The following TRRAP variants were observed in gnomAD, a reference collection of about 807,000 sequenced individuals.
The protein encoded by TRRAP is transformation/transcription domain-associated protein.
In TRRAP, 41 loss-of-function variants were observed where a neutral mutation model predicts 438.8. The ratio of observed to expected loss-of-function variants is 0.09; its 90% CI spans 0.07 to 0.12. The LOEUF (loss-of-function observed/expected upper bound fraction) is 0.12, where lower values mean the gene tolerates loss of function less well. Ranked by LOEUF, TRRAP falls within the 10% of genes least tolerant of loss-of-function variation. The probability of loss-of-function intolerance (pLI) is 1.00; values close to 1 mark genes in which losing one functional copy is unlikely to be tolerated. For synonymous variants in TRRAP, 1,994 were observed against 1,962.9 expected, an observed-to-expected ratio of 1.02 and a Z score of -0.42; for missense variants, 3,122 against 5,055.1, an observed-to-expected ratio of 0.62 and a Z score of 11.60.
In TRRAP at chr7:98,967,563, A is replaced by T. The variant is rs200223828; in HGVS notation, c.7377A>T (p.Pro2459=). The change falls in exon 51 of 73, where the codon CCA becomes CCT. Residue 2459 remains proline (P), a synonymous_variant. Transcript: ENST00000456197. ...TCTCTGGGCTGCGCTGTGCCCAGCC[A>T]CTCATCAGGGCAAAGTTTTTCGAGG... ...AFLSGLRCAQ[P]LIRAKFFEVF... is the part of the protein sequence containing the mutation. The T allele has an allele frequency of 9.3e-6, 15 of 1,614,066 alleles. No homozygotes were observed. The East Asian group carries it at 3.1e-4, about 34-fold the overall frequency.
In TRRAP at chr7:98,965,823, C is replaced by G. The variant is rs1379140139; in HGVS notation, c.7104C>G (p.Ala2368=). Residue 2368 remains alanine, a synonymous_variant, in exon 49 of 73, where the codon GCC becomes GCG. Coordinates refer to ENST00000456197, the MANE Select transcript of TRRAP (RefSeq NM_001375524.1). The part of the protein sequence containing the change: ...LTSLIEKSPD[A]KILRAVVKIV... ...CCCTCATCGAAAAATCACCAGATGC[C>G]AAAATCCTCCGGGCTGTGGTCAAAA... is the stretch of plus-strand genomic sequence containing the variant. The G allele has an allele frequency of 6.2e-7, 1 of 1,614,104 alleles. No individual in the cohort carries two copies. The highest frequency in any genetic ancestry group is 8.5e-7 in the Non-Finnish European group (1 of 1,180,020).
intron 69 of TRRAP, among the ~76,000 whole-genome samples, chr7:99,008,083 C>G (rs1034554068): frequency 1.1e-4 from 16 of 152,148 alleles, no homozygotes; most frequent in Non-Finnish European, 1.3e-4. Flanking sequence ...TGTGGCCTCC[C>G]AAAGTGCTGT....
chr7:98,883,606 T>C (rs1795561463), intron 3 of TRRAP, among the ~76,000 whole-genome samples: 2 of 152,138 alleles, frequency 1.3e-5, no homozygotes, highest in Admixed American at 1.3e-4. Context: ...CCTCAACCTC[T>C]TGGGCTCAGG....
At chr7:98,984,415 A>C (rs531275427) in intron 61 of TRRAP, 57 bp downstream of exon 61, 2 of 1,483,608 alleles carry the variant, frequency 1.3e-6, no homozygotes, top group Non-Finnish European at 1.8e-6. Flanking sequence ...CAGGTGGAGA[A>C]TGAGGCAATG....
intron 12 of TRRAP, among the ~76,000 whole-genome samples, chr7:98,905,550 C>A (rs1388888605): frequency 2.0e-5 from 3 of 152,098 alleles, no homozygotes; most frequent in African/African-American, 7.2e-5. Context: ...CCGGTTGTTT[C>A]TATAGAACCC....
chr7:98,980,201 A>G (rs535546503), intron 58 of TRRAP, among the ~76,000 whole-genome samples: 46 of 152,352 alleles, frequency 3.0e-4, no homozygotes, highest in African/African-American at 1.1e-3. Flanking sequence ...ACAGTGTCAT[A>G]TAATTGTGGG....
At chr7:98,953,122 C>T in intron 39 of TRRAP, 45 bp from the exon 40 acceptor site, 1 of 1,579,114 alleles carries the variant, frequency 6.3e-7, no homozygotes, top group Non-Finnish European at 8.6e-7. Context: ...AGTCAGTAAC[C>T]CAGTTCACAA....
chr7:98,911,060 T>C lies in TRRAP; in HGVS notation c.1813-17T>C. 1.2e-6 allele frequency: 2 copies of C among 1,608,454 alleles called. No homozygotes were observed. The highest frequency in any genetic ancestry group is 1.7e-6 in the Non-Finnish European group (2 of 1,177,660). On this transcript the variant is annotated splice_polypyrimidine_tract_variant and intron_variant, in intron 16 of 72. Coordinates refer to ENST00000456197, the MANE Select transcript of TRRAP (RefSeq NM_001375524.1). The stretch of plus-strand genomic sequence containing the variant: ...TCAGTTTTAATGCCTGTGGGCGGCT[T>C]TTTTCCCCTGTATTAGGTCCAGATA...
rs1301144245 is a variant in TRRAP, at chr7:98,937,066, AAATAAT to A, written c.4112-81_4112-76del. ...AACATAGCAAGACACCTTCTCTACC[AAATAAT>A]AATAATAAATAAATACAGAGAAGAA... On this transcript the variant is annotated intron_variant, in intron 28 of 72. Transcript: ENST00000456197. The A allele has an allele frequency of 6.3e-6, 9 of 1,426,642 alleles. No individual in the cohort carries two copies. In the African/African-American group the frequency reaches 1.2e-4, roughly 19 times the overall value. 88.4% of individuals were successfully genotyped at this position (1,426,642 alleles called of 1,614,324 possible).
At chr7:98,915,551 C>T (rs1789482896) in intron 18 of TRRAP, among the ~76,000 whole-genome samples, 172 bp from the exon 19 acceptor site, 1 of 152,160 alleles carries the variant, frequency 6.6e-6, no homozygotes, top group Non-Finnish European at 1.5e-5. Context: ...TTAAGATAAA[C>T]TATTTTGAGT....
intron 33 of TRRAP, among the ~76,000 whole-genome samples, chr7:98,946,720 G>A (rs1485890279): frequency 2.6e-5 from 4 of 152,128 alleles, no homozygotes; most frequent in Admixed American, 2.6e-4. Flanking sequence ...TCACAACATT[G>A]TGCAGCATTG....
chr7:98,956,469 G>A lies in TRRAP; in HGVS notation c.6167G>A (p.Gly2056Asp). The change falls in exon 43 of 73, where the codon GGC (glycine) becomes GAC (aspartate). Residue 2056 changes from glycine to aspartate, a missense_variant. By Grantham distance (94) the Gly-to-Asp change is moderately conservative. Coordinates refer to ENST00000456197, the MANE Select transcript of TRRAP (RefSeq NM_001375524.1). This position sits in a 1 kb window ranked among gnomAD's most constrained non-coding sequence, Gnocchi z 4.5. Reference protein sequence around the residue: ...VNSVSSSIKRGLSVDSAQEVK... With the variant: ...VNSVSSSIKRDLSVDSAQEVK... ...TCTGTCTCATCCTCCATTAAGAGAG[G>A]CCTGTCCGTGGATTCTGCCCAGGAA... The A allele has an allele frequency of 6.2e-7, 1 of 1,614,254 alleles. No individual in the cohort carries two copies. The highest frequency in any genetic ancestry group is 1.1e-5 in the South Asian group (1 of 91,090).
At position 98,950,108 on chromosome 7, in the gene TRRAP, C is replaced by G; in HGVS notation, c.5180C>G (p.Ala1727Gly). 6.2e-7 allele frequency: 1 copy of G among 1,614,220 alleles called. No homozygotes were observed. Among genetic ancestry groups the G allele is most frequent in the South Asian group, 1.1e-5 (1 of 91,082 alleles). The change falls in exon 38 of 73, where the codon GCC becomes GGC. Residue 1727 changes from alanine (A) to glycine (G), a missense_variant. Coordinates refer to ENST00000456197, the MANE Select transcript of TRRAP (RefSeq NM_001375524.1). ...GAATTGCTGTTCCAGCTGCTCCGAG[C>G]CTTTACTGGTCGTTTTCTCTGCAAC... ...DIELLFQLLR[A>G]FTGRFLCNMT...
At chr7:98,973,876 C>T (rs932457616) in intron 53 of TRRAP, among the ~76,000 whole-genome samples, 2 of 152,230 alleles carry the variant, frequency 1.3e-5, no homozygotes, top group African/African-American at 2.4e-5. Context: ...GACCTGTGCC[C>T]GCCTCTTAGC....
chr7:98,980,567 G>A (rs1335560500), intron 58 of TRRAP, among the ~76,000 whole-genome samples: 1 of 152,186 alleles, frequency 6.6e-6, no homozygotes, highest in Non-Finnish European at 1.5e-5. Context: ...GTTGGCCCAG[G>A]CTCATCGGCT....
rs1239015619 is a variant in TRRAP, at chr7:98,983,702, C to T, written c.9022+243C>T. 2.0e-5 allele frequency among the ~76,000 whole-genome samples: 3 copies of T among 152,114 alleles called. No homozygotes were observed. In the East Asian group the frequency reaches 5.8e-4, roughly 29 times the overall value. On this transcript the variant is annotated intron_variant, in intron 60 of 72. Transcript: ENST00000456197. ...TACATTTTTCTAGTTGGGGCAGAATCGTACAGGCCGGGGGGATCAATGCTC... is the reference window on the plus strand; with the variant it reads ...TACATTTTTCTAGTTGGGGCAGAATTGTACAGGCCGGGGGGATCAATGCTC...
At chr7:98,964,799 C>G in intron 48 of TRRAP, 24 bp downstream of exon 48, 1 of 1,603,910 alleles carries the variant, frequency 6.2e-7, no homozygotes, top group Non-Finnish European at 8.5e-7. Context: ...CACCGGGGGC[C>G]TTTCCTCAGA....
Position 98,964,692 on chromosome 7 carries a change from C to T in TRRAP, c.6893C>T (p.Ser2298Phe). 6.2e-7 allele frequency: 1 copy of T among 1,614,100 alleles called. No individual in the cohort carries two copies. The highest frequency in any genetic ancestry group is 1.3e-5 in the African/African-American group (1 of 75,042). The change falls in exon 48 of 73, where the codon TCC becomes TTC. Residue 2298 changes from serine (S) to phenylalanine (F), a missense_variant. Physicochemically the swap from Ser to Phe is radical, Grantham distance 155 (BLOSUM62 -2). Coordinates refer to ENST00000456197, the MANE Select transcript of TRRAP (RefSeq NM_001375524.1). Reference protein sequence around the residue: ...NNPSYIDRLISVFMRSLQKMV... With the variant: ...NNPSYIDRLIFVFMRSLQKMV... ...CCCAGCTACATAGACAGGCTGATCT[C>T]CGTCTTTATGCGCTCCCTGCAGAAG...
Position 98,999,842 on chromosome 7 carries a change from G to A in TRRAP, c.10310-4348G>A. On this transcript the variant is annotated intron_variant, in intron 67 of 72. Transcript: ENST00000456197. The stretch of plus-strand genomic sequence containing the variant: ...ATGCTGATTTCTCCACCTCAGACAG[G>A]CTTTGCTTTTCCGAATTCATCTCCA... 4.4e-6 allele frequency: 2 copies of A among 453,502 alleles called. 1 individual carries two copies. Among genetic ancestry groups the A allele is most frequent in the South Asian group, 7.5e-5 (2 of 26,842 alleles). The allele number at this position is 453,502 out of a possible 1,614,324, so 28.1% of individuals were successfully genotyped here.
Sources: gnomAD v4.1 joint callset for allele counts (sites outside exome capture counted in the v4.1 genomes callset) on GRCh38, gnomAD v4.1.1 for gene constraint, Gnocchi (gnomAD v3.1) non-coding constraint, MANE v1.5 for transcripts, NCBI Gene and HGNC (gene_info 2026-07-23, HGNC 2026-07-21) for gene names.